TMEM181: variants seen among roughly 807,000 people sequenced by gnomAD.
The protein encoded by TMEM181 is transmembrane protein 181.
A neutral mutation model predicts 71.9 loss-of-function variants in TMEM181; 39 were observed. The ratio of observed to expected loss-of-function variants is 0.54; its 90% confidence interval spans 0.42 to 0.71. The LOEUF is 0.71. Ranked by LOEUF, TMEM181 falls within the 30% of genes least tolerant of loss-of-function variation. The pLI is 0.00. For synonymous variants in TMEM181, 245 were observed against 228.8 expected (o/e 1.07, Z -0.64); for missense variants, 595 against 583.0 (o/e 1.02, Z -0.21).
intron 10 of TMEM181, among the ~76,000 whole-genome samples, chr6:158,613,427 G>A (rs1785438680): frequency 6.6e-6 from 1 of 152,288 alleles, no homozygotes; most frequent in African/African-American, 2.4e-5. Context: ...AATCAGATAA[G>A]ACTTTCCAAA....
intron 8 of TMEM181, 34 bp downstream of exon 8, chr6:158,607,377 C>T: frequency 6.3e-7 from 1 of 1,598,920 alleles, no homozygotes; most frequent in Non-Finnish European, 8.6e-7. Flanking sequence ...GGAACTTTTC[C>T]CTTTAAAATG....
At chr6:158,626,455 A>T in intron 13 of TMEM181, 2 of 456,672 alleles carry the variant, frequency 4.4e-6, no homozygotes, top group Non-Finnish European at 8.8e-6. Flanking sequence ...AAATAAGCGG[A>T]TGTTGGCCCT....
At chr6:158,582,253 C>T (rs1258864930) in intron 3 of TMEM181, among the ~76,000 whole-genome samples, 1 of 152,140 alleles carries the variant, frequency 6.6e-6, no homozygotes, top group African/African-American at 2.4e-5. Flanking sequence ...CAGTTTCTGT[C>T]TCTCAGGGTG....
chr6:158,560,529 C>T (rs1195215734), intron 1 of TMEM181, among the ~76,000 whole-genome samples: 1 of 152,164 alleles, frequency 6.6e-6, no homozygotes. Flanking sequence ...CACCGGGGGG[C>T]CGAGAGAACC....
chr6:158,578,701 G>A (rs929139402), intron 2 of TMEM181, among the ~76,000 whole-genome samples: 1 of 152,066 alleles, frequency 6.6e-6, no homozygotes, highest in Non-Finnish European at 1.5e-5. Context: ...GAGAACGAAG[G>A]CATATAGAAA....
intron 9 of TMEM181, 57 bp from the exon 10 acceptor site, chr6:158,608,602 T>G (rs1785102546): frequency 1.3e-6 from 2 of 1,596,946 alleles, no homozygotes; most frequent in Admixed American, 1.7e-5. Context: ...AATCACGTTA[T>G]GTACAATTAC....
At chr6:158,589,366 T>C (rs904133589) in intron 5 of TMEM181, among the ~76,000 whole-genome samples, 3 of 152,240 alleles carry the variant, frequency 2.0e-5, no homozygotes, top group Admixed American at 6.5e-5. Context: ...GTGTTATATA[T>C]TTATGGAAAT....
intron 6 of TMEM181, among the ~76,000 whole-genome samples, chr6:158,597,914 G>A (rs562207287): frequency 1.3e-5 from 2 of 152,328 alleles, no homozygotes; most frequent in South Asian, 4.1e-4. Flanking sequence ...TGGGGGCTAA[G>A]TTTAAACATG....
intron 13 of TMEM181, chr6:158,626,357 T>C: frequency 2.2e-6 from 1 of 456,326 alleles, no homozygotes; most frequent in Admixed American, 2.4e-5. Flanking sequence ...TGCTTGGTGG[T>C]TTATGGTTTG....
intron 5 of TMEM181, among the ~76,000 whole-genome samples, chr6:158,586,502 G>A (rs769427403): frequency 2.6e-5 from 4 of 152,206 alleles, no homozygotes; most frequent in Non-Finnish European, 5.9e-5. Flanking sequence ...GCTTAGAGAG[G>A]TCTAAACCAT....
chr6:158,560,645 C>G (rs1382256755), intron 1 of TMEM181, among the ~76,000 whole-genome samples: 1 of 152,212 alleles, frequency 6.6e-6, no homozygotes, highest in Non-Finnish European at 1.5e-5. Context: ...GTCGTCCCCT[C>G]GGTATCGAGA....
intron 1 of TMEM181, among the ~76,000 whole-genome samples, chr6:158,544,667 C>T (rs187730549): frequency 1.1e-4 from 16 of 152,110 alleles, no homozygotes; most frequent in South Asian, 2.1e-4. Context: ...GCCTTCCTTC[C>T]GGCTGGCTGG....
intron 1 of TMEM181, among the ~76,000 whole-genome samples, chr6:158,538,047 A>G (rs1781192329): frequency 6.6e-6 from 1 of 152,076 alleles, no homozygotes; most frequent in Non-Finnish European, 1.5e-5. Flanking sequence ...ACCTGAGGGT[A>G]TGGGAAAAGA....
intron 2 of TMEM181, 143 bp downstream of exon 2, chr6:158,573,666 G>A: frequency 1.4e-6 from 1 of 698,426 alleles, no homozygotes; most frequent in Non-Finnish European, 2.4e-6. Flanking sequence ...GGTGGATGGG[G>A]TCCCAGCCCT....
intron 1 of TMEM181, among the ~76,000 whole-genome samples, chr6:158,537,146 GCCGAGGCTCCCGCCTCCCCGGAA>G (rs1252610932): frequency 6.6e-6 from 1 of 152,008 alleles, no homozygotes; most frequent in African/African-American, 2.4e-5. Context: ...TGAAACCCAA[GCCGAGGCTCCCGCCTCCCCGGAA>G]AGGAGCTGCG....
chr6:158,609,750 G>T, intron 10 of TMEM181: 1 of 260,098 alleles, frequency 3.8e-6, no homozygotes, highest in South Asian at 5.5e-5. Context: ...AAAGTGGCCA[G>T]GGTGTGGGAG....
chr6:158,560,570 G>A (rs1459812884), intron 1 of TMEM181, among the ~76,000 whole-genome samples: 27 of 152,130 alleles, frequency 1.8e-4, no homozygotes, highest in Non-Finnish European at 1.5e-5. Flanking sequence ...CCGGCGTAGG[G>A]TGGCCGCCCG....
intron 10 of TMEM181, among the ~76,000 whole-genome samples, chr6:158,615,641 C>T (rs537491833): frequency 6.6e-6 from 1 of 152,200 alleles, no homozygotes; most frequent in East Asian, 1.9e-4. Flanking sequence ...GTCTTTAATC[C>T]ATCTTGAATT....
In TMEM181 at chr6:158,572,410, C is replaced by T. The variant is rs1342127171; in HGVS notation, c.9-1010C>T. The stretch of plus-strand genomic sequence containing the variant: ...GTCTGGCTCCCAAGACCAGAACATG[C>T]GAGGACAACAGAGAACACAGAAGAG... On this transcript the variant is annotated intron_variant, in intron 1 of 16. Transcript: ENST00000684151. The T allele has an allele frequency of 1.3e-5, 6 of 456,704 alleles. No individual in the cohort carries two copies. The East Asian group carries it at 2.1e-4, about 16-fold the overall frequency. The allele number at this position is 456,704 out of a possible 1,614,324, so 28.3% of individuals were successfully genotyped here.
Sources: gnomAD v4.1 joint callset for allele counts (sites outside exome capture counted in the v4.1 genomes callset) on GRCh38, gnomAD v4.1.1 for gene constraint, MANE v1.5 for transcripts, NCBI Gene and HGNC (gene_info 2026-07-23, HGNC 2026-07-21) for gene names.